The following RNF213 variants were observed in gnomAD, a reference collection of about 807,000 sequenced individuals.
The protein encoded by RNF213 is ring finger protein 213.
A neutral mutation model predicts 514.4 loss-of-function variants in RNF213; 341 were observed. The ratio of observed to expected loss-of-function variants is 0.66; its 90% CI spans 0.61 to 0.73. The LOEUF (loss-of-function observed/expected upper bound fraction) is 0.73. Among genes scored for constraint, RNF213 ranks in the 30% least tolerant of loss-of-function variants. The pLI, the probability that RNF213 is intolerant of heterozygous loss-of-function variation, is 0.00. For missense variants in RNF213, 5,767 were observed against 6,615.6 expected, an observed-to-expected ratio of 0.87 and a Z score of 4.45; for synonymous variants, 2,655 against 2,658.2, an observed-to-expected ratio of 1.00 and a Z score of 0.04.
intron 55 of RNF213, chr17:80,379,915 C>T (rs1465023150): frequency 1.3e-5 from 8 of 612,894 alleles, no homozygotes; most frequent in Admixed American, 2.3e-5. Context: ...TCCCTGGGCC[C>T]TGAAATGCAA....
chr17:80,385,767 G>A, intron 61 of RNF213, 146 bp downstream of exon 61: 1 of 738,974 alleles, frequency 1.4e-6, no homozygotes, highest in African/African-American at 1.7e-5. Flanking sequence ...CTGTCGCCAG[G>A]CTGGAGTGCA....
In RNF213 at chr17:80,298,757, G is replaced by A. The variant is rs908949366; in HGVS notation, c.2210+239G>A. Reference sequence around the variant, plus strand: ...AGACGGGTGGATCACCTGAGGTCAGGAGTTCGAGACCAGCCTGGCCAACAT... The same window carrying A: ...AGACGGGTGGATCACCTGAGGTCAGAAGTTCGAGACCAGCCTGGCCAACAT... On this transcript the variant is annotated intron_variant, in intron 11 of 67. Transcript: ENST00000582970. The A allele has an allele frequency of 1.7e-5, 8 of 470,950 alleles. No homozygotes were observed. In the South Asian group the frequency reaches 1.7e-4, roughly 10 times the overall value. The allele number at this position is 470,950 out of a possible 1,614,324, so 29.2% of individuals were successfully genotyped here. A position where few individuals can be genotyped will look rare whatever the true frequency, so the allele number is the denominator to read the frequency against.
chr17:80,385,265 A>C (rs1338243488), intron 60 of RNF213, 94 bp downstream of exon 60: 16 of 1,470,712 alleles, frequency 1.1e-5, no homozygotes, highest in Non-Finnish European at 1.4e-5. Context: ...GGAGGGGAGG[A>C]GGCGCTGATG....
rs114868020 is a variant in RNF213 at position 80,349,681 on chromosome 17, C to T, written c.9952-89C>T. ...GGCAACTGCACCGCGCTGAACATCG[C>T]AGGTTTCTAGGATCTGTCTAAACCT... On this transcript the variant is annotated intron_variant, in intron 29 of 67. Coordinates refer to ENST00000582970, the MANE Select transcript of RNF213 (RefSeq NM_001256071.3). The T allele has an allele frequency of 2.0e-3, 2,796 of 1,414,276 alleles. 52 individuals are homozygous for T. The African/African-American group carries it at 0.034, about 17-fold the overall frequency. The allele number at this position is 1,414,276 out of a possible 1,614,324, so 87.6% of individuals were successfully genotyped here.
intron 54 of RNF213, 114 bp from the exon 55 acceptor site, chr17:80,379,506 A>G (rs1347659483): frequency 2.5e-5 from 25 of 992,874 alleles, no homozygotes; most frequent in East Asian, 1.4e-4. Context: ...CACTGGGACA[A>G]TCTGAGGGTG....
chr17:80,379,387 G>GCTTAAATTGTCTCA (rs2079893806), intron 54 of RNF213: 2 of 555,654 alleles, frequency 3.6e-6, no homozygotes, highest in Non-Finnish European at 6.6e-6. Flanking sequence ...TGGGAATAAA[G>GCTTAAATTGTCTCA]CTTAAATTGT....
chr17:80,283,319 CG>C (rs1277695708), intron 3 of RNF213, among the ~76,000 whole-genome samples: 1 of 152,022 alleles, frequency 6.6e-6, no homozygotes, highest in Non-Finnish European at 1.5e-5. Context: ...GCTGCTGCTC[CG>C]AGGTGTCAGC....
chr17:80,328,137 G>T lies in RNF213; in HGVS notation c.3367+148G>T. 5 of 1,164,468 alleles carry T rather than the reference G, an allele frequency of 4.3e-6. No individual in the cohort carries two copies. The South Asian group carries it at 6.3e-5, about 15-fold the overall frequency. The allele number at this position is 1,164,468 out of a possible 1,614,324, so 72.1% of individuals were successfully genotyped here. On this transcript the variant is annotated intron_variant, in intron 19 of 67. Coordinates refer to ENST00000582970, the MANE Select transcript of RNF213 (RefSeq NM_001256071.3). ...TCTTCTTGCTCATAAGTTGATAGGGGTGGTTTATAATTCTCAAGAACATCA... is the reference window on the plus strand; with the variant it reads ...TCTTCTTGCTCATAAGTTGATAGGGTTGGTTTATAATTCTCAAGAACATCA...
chr17:80,334,647 G>C (rs1166832434), intron 22 of RNF213, among the ~76,000 whole-genome samples: 3 of 150,784 alleles, frequency 2.0e-5, no homozygotes, highest in Admixed American at 1.3e-4. Context: ...GTTTTTTTGA[G>C]ACAGAGTCTC....
chr17:80,390,082 C>T lies in RNF213; in HGVS notation c.15356C>T (p.Thr5119Ile), dbSNP rs763202278. ...CCGGAAAATGCTAAGCTCCTCAGCA[C>T]ATTCCTAAATCAGACTGGCCTAGAC... ...LSPENAKLLSTFLNQTGLDAF... is the reference protein window; with the variant it reads ...LSPENAKLLSIFLNQTGLDAF... Residue 5119 changes from threonine to isoleucine, a missense_variant, in exon 67 of 68, where the codon ACA becomes ATA. By Grantham distance (89) the Thr-to-Ile change is moderately conservative. Around this residue, in one of 13 missense-constraint regions of RNF213, gnomAD observed 1,245 missense variants for 1,339.0 expected, o/e 0.93. Coordinates refer to ENST00000582970, the MANE Select transcript of RNF213 (RefSeq NM_001256071.3). 10 of 1,614,226 alleles carry T rather than the reference C, an allele frequency of 6.2e-6. No homozygotes were observed. The highest frequency in any genetic ancestry group is 8.5e-6 in the Non-Finnish European group (10 of 1,180,036).
In RNF213 at chr17:80,317,257, A is replaced by G. The variant is rs752898172; in HGVS notation, c.2881A>G (p.Met961Val). ...CTGGAAGGAGTCGTTGCTGGGAGAC[A>G]TGGAATGGAGGCTCACAAAGGTACC... Reference protein sequence around the residue: ...HGWKESLLGDMEWRLTKEEPL... With the variant: ...HGWKESLLGDVEWRLTKEEPL... Residue 961 changes from methionine to valine, a missense_variant, in exon 16 of 68, where the codon ATG (methionine) becomes GTG (valine). By Grantham distance (21) the Met-to-Val change is conservative. Transcript: ENST00000582970. The surrounding 1 kb of genome is among the most constrained non-coding windows in gnomAD (Gnocchi z 4.1). 1.9e-6 allele frequency: 3 copies of G among 1,612,690 alleles called. No homozygotes were observed. Among genetic ancestry groups the G allele is most frequent in the African/African-American group, 2.7e-5 (2 of 75,014 alleles).
At chr17:80,318,662 C>G (rs1043825008) in intron 16 of RNF213, among the ~76,000 whole-genome samples, 4 of 152,174 alleles carry the variant, frequency 2.6e-5, no homozygotes, top group African/African-American at 4.8e-5. Context: ...CAAACTCCGC[C>G]TCCCGGGTTC....
rs1303347859 is a variant in RNF213, at chr17:80,352,933, T to G, written c.10304-7T>G. 1 of 1,614,044 alleles carries G rather than the reference T, an allele frequency of 6.2e-7. No homozygotes were observed. The highest frequency in any genetic ancestry group is 8.5e-7 in the Non-Finnish European group (1 of 1,180,046). Reference sequence around the variant, plus strand: ...AAGACAGTTGTGGGTGGCTTCACTCTTCACAGGGCTGTGGCAGTCTGTCCA... The same window carrying G: ...AAGACAGTTGTGGGTGGCTTCACTCGTCACAGGGCTGTGGCAGTCTGTCCA... On this transcript the variant is annotated splice_polypyrimidine_tract_variant and splice_region_variant and intron_variant, in intron 32 of 67. Coordinates refer to ENST00000582970, the MANE Select transcript of RNF213 (RefSeq NM_001256071.3).
At chr17:80,383,167 G>A (rs1304713142) in intron 58 of RNF213, 97 bp downstream of exon 58, 6 of 852,116 alleles carry the variant, frequency 7.0e-6, no homozygotes, top group East Asian at 2.6e-5. Context: ...CCCTCGTAGC[G>A]GTGCCAGCAA....
At chr17:80,319,365 C>T (rs1261542918) in intron 17 of RNF213, 53 bp downstream of exon 17, 1 of 1,614,110 alleles carries the variant, frequency 6.2e-7, no homozygotes, top group Non-Finnish European at 8.5e-7. Context: ...CTGTGTTCTG[C>T]CATGACCCAG....
In RNF213 at chr17:80,375,495, T is replaced by G. The variant is rs1419150960; in HGVS notation, c.13075-265T>G. On this transcript the variant is annotated intron_variant, in intron 50 of 67. Transcript: ENST00000582970. Reference sequence around the variant, plus strand: ...GGCATGCAGATCACAAGGTCAGGAGTTTGAGACCAGCCTGGCAAACATGGT... The same window carrying G: ...GGCATGCAGATCACAAGGTCAGGAGGTTGAGACCAGCCTGGCAAACATGGT... Among the ~76,000 whole-genome samples the G allele has an allele frequency of 2.6e-5, 4 of 151,418 alleles. No individual in the cohort carries two copies. The East Asian group carries it at 5.8e-4, about 22-fold the overall frequency.
chr17:80,325,813 A>T (rs997373227), intron 18 of RNF213, among the ~76,000 whole-genome samples: 2 of 152,136 alleles, frequency 1.3e-5, no homozygotes, highest in African/African-American at 4.8e-5. Context: ...CTGGATGTGG[A>T]ACAGCCAAAA....
chr17:80,361,666 C>A, intron 38 of RNF213, 68 bp from the exon 39 acceptor site: 1 of 1,583,158 alleles, frequency 6.3e-7, no homozygotes, highest in East Asian at 2.2e-5. Context: ...ACTCCGGAGC[C>A]CCCTGGAGGC....
At chr17:80,274,374 A>G (rs2043939715) in intron 3 of RNF213, among the ~76,000 whole-genome samples, 1 of 149,916 alleles carries the variant, frequency 6.7e-6, no homozygotes, top group Non-Finnish European at 1.5e-5. Flanking sequence ...GTTCAAGGAG[A>G]ATGGTTGGAA....
Sources: allele counts gnomAD v4.1 joint callset (sites outside exome capture counted in the v4.1 genomes callset), GRCh38; gene constraint gnomAD v4.1.1; regional missense constraint gnomAD v4.1.1; non-coding constraint Gnocchi (gnomAD v3.1); transcripts MANE v1.5; gene names NCBI Gene and HGNC (gene_info 2026-07-23, HGNC 2026-07-21).